Variants in PITPNB observed in about 807,000 individuals in gnomAD.
PITPNB encodes the protein phosphatidylinositol transfer protein beta isoform.
In PITPNB, 16 loss-of-function variants were observed where a neutral mutation model predicts 45.9. That is an observed-to-expected ratio of 0.35 (90% confidence interval 0.24 to 0.53). PITPNB has a LOEUF of 0.53. Ranked by LOEUF, PITPNB falls within the 20% of genes least tolerant of loss-of-function variation. The pLI, the probability that PITPNB is intolerant of heterozygous loss-of-function variation, is 0.93. For missense variants in PITPNB, 188 were observed against 330.5 expected (o/e 0.57, Z 3.34); for synonymous variants, 112 against 108.9 (o/e 1.03, Z -0.18).
chr22:27,891,650 C>T (rs1935283021), intron 7 of PITPNB, among the ~76,000 whole-genome samples: 1 of 152,140 alleles, frequency 6.6e-6, no homozygotes, highest in South Asian at 2.1e-4. Flanking sequence ...AGTGAGTTCT[C>T]ACAAGATCTG....
At chr22:27,863,388 C>A (rs1427836943) in intron 8 of PITPNB, among the ~76,000 whole-genome samples, 1 of 152,148 alleles carries the variant, frequency 6.6e-6, no homozygotes, top group Non-Finnish European at 1.5e-5. Flanking sequence ...CATTACATAT[C>A]CTTGACATCC....
chr22:27,879,113 G>T (rs1473656860), intron 7 of PITPNB, among the ~76,000 whole-genome samples: 2 of 152,076 alleles, frequency 1.3e-5, no homozygotes, highest in African/African-American at 2.4e-5. Flanking sequence ...CTGGCATGTG[G>T]GTGGTGGGAG....
chr22:27,898,613 A>C (rs1322706682), intron 3 of PITPNB, among the ~76,000 whole-genome samples: 2 of 152,206 alleles, frequency 1.3e-5, no homozygotes, highest in African/African-American at 4.8e-5. Context: ...TCTGAATAAA[A>C]GTCTGAATAC....
chr22:27,915,319 TTC>T (rs1936045380), intron 1 of PITPNB, among the ~76,000 whole-genome samples: 1 of 152,186 alleles, frequency 6.6e-6, no homozygotes, highest in Non-Finnish European at 1.5e-5. Context: ...AGCTTATAAT[TTC>T]TTTTTCTTTT....
chr22:27,909,491 CA>C (rs1935858305), intron 3 of PITPNB, among the ~76,000 whole-genome samples: 2 of 152,044 alleles, frequency 1.3e-5, no homozygotes, highest in South Asian at 4.2e-4. Context: ...TATGAAGAGT[CA>C]AAAGTCATAC....
intron 7 of PITPNB, among the ~76,000 whole-genome samples, chr22:27,886,958 C>T (rs903601426): frequency 6.6e-6 from 1 of 152,122 alleles, no homozygotes; most frequent in South Asian, 2.1e-4. Flanking sequence ...TTAAATCAGA[C>T]TGAGACAAAA....
intron 7 of PITPNB, among the ~76,000 whole-genome samples, chr22:27,888,721 G>A (rs905938532): frequency 3.3e-5 from 5 of 152,302 alleles, no homozygotes; most frequent in African/African-American, 1.2e-4. Flanking sequence ...TCTCCCTGGA[G>A]GAGGCAAGCT....
intron 7 of PITPNB, among the ~76,000 whole-genome samples, chr22:27,885,137 T>C (rs1383801403): frequency 6.8e-6 from 1 of 146,462 alleles, no homozygotes; most frequent in Non-Finnish European, 1.5e-5. Context: ...AAGTGACTTT[T>C]GTATATAAAT....
intron 8 of PITPNB, among the ~76,000 whole-genome samples, chr22:27,861,238 T>C (rs1400904311): frequency 1.3e-5 from 2 of 151,546 alleles, no homozygotes; most frequent in African/African-American, 4.9e-5. Context: ...GAGGCAGAGG[T>C]TGCAGTGAGC....
chr22:27,873,680 A>T (rs1601391224), intron 8 of PITPNB, 58 bp downstream of exon 8: 1 of 1,000,614 alleles, frequency 1.0e-6, no homozygotes, highest in Non-Finnish European at 1.6e-6. Flanking sequence ...AAGACTCAGG[A>T]CCTGTCAAGT....
chr22:27,915,027 TTAAAAGA>T (rs1196497296), intron 1 of PITPNB, among the ~76,000 whole-genome samples: 1 of 152,246 alleles, frequency 6.6e-6, no homozygotes, highest in East Asian at 1.9e-4. Context: ...GCAAGCAGTC[TTAAAAGA>T]TAAAATCCAA....
At chr22:27,858,553 C>T in intron 9 of PITPNB, 44 bp from the exon 10 acceptor site, 4 of 1,529,490 alleles carry the variant, frequency 2.6e-6, no homozygotes, top group Non-Finnish European at 3.6e-6. Context: ...TGACAAAAAC[C>T]TAAGATTAAT....
At chr22:27,901,244 A>G (rs555304303) in intron 3 of PITPNB, among the ~76,000 whole-genome samples, 3 of 152,342 alleles carry the variant, frequency 2.0e-5, no homozygotes, top group Non-Finnish European at 4.4e-5. Flanking sequence ...AGACTATTTA[A>G]CTTCAGGGTA....
chr22:27,894,782 TG>T, intron 6 of PITPNB, 144 bp from the exon 7 acceptor site: 7 of 484,464 alleles, frequency 1.4e-5, no homozygotes, highest in Non-Finnish European at 2.6e-5. Context: ...ATTAGCTGTC[TG>T]ACATTTTGCA....
At chr22:27,884,804 T>A (rs191771789) in intron 7 of PITPNB, among the ~76,000 whole-genome samples, 341 of 152,310 alleles carry the variant, frequency 2.2e-3, no homozygotes, top group African/African-American at 7.1e-3. Flanking sequence ...TATTTCCTTA[T>A]TATTAACATG....
chr22:27,882,805 G>A (rs1935011018), intron 7 of PITPNB, among the ~76,000 whole-genome samples: 1 of 152,170 alleles, frequency 6.6e-6, no homozygotes, highest in African/African-American at 2.4e-5. Context: ...CCAACAGTTG[G>A]AACTTGTAAG....
intron 7 of PITPNB, among the ~76,000 whole-genome samples, chr22:27,893,581 C>CCT (rs1351033528): frequency 3.5e-4 from 47 of 132,956 alleles, no homozygotes; most frequent in Non-Finnish European, 3.7e-4. Flanking sequence ...CCATGTCTAG[C>CCT]CTTTTTTTTT....
chr22:27,871,722 A>C (rs970882905), intron 8 of PITPNB, among the ~76,000 whole-genome samples: 2 of 152,218 alleles, frequency 1.3e-5, no homozygotes, highest in African/African-American at 4.8e-5. Flanking sequence ...TTTCTGGGTA[A>C]TATAGATTGG....
chr22:27,891,170 C>T (rs894539254), intron 7 of PITPNB, among the ~76,000 whole-genome samples: 2 of 152,060 alleles, frequency 1.3e-5, no homozygotes, highest in Non-Finnish European at 2.9e-5. Context: ...TTGCAGGACC[C>T]TGTTAATGTA....
Sources: allele counts gnomAD v4.1 joint callset (sites outside exome capture counted in the v4.1 genomes callset), GRCh38; gene constraint gnomAD v4.1.1; transcripts MANE v1.5; gene names NCBI Gene and HGNC (gene_info 2026-07-23, HGNC 2026-07-21).